The following WDR41 variants were observed in gnomAD, a reference collection of about 807,000 sequenced individuals.
The protein encoded by WDR41 is WD repeat-containing protein 41.
WDR41 carries 63 observed loss-of-function variants against 69.3 expected under a neutral mutation model. The ratio of observed to expected loss-of-function variants is 0.91; its 90% confidence interval spans 0.74 to 1.12. The LOEUF (loss-of-function observed/expected upper bound fraction) is 1.12, where lower values mean the gene tolerates loss of function less well. Ranked by LOEUF, WDR41 falls within the 50% of genes most tolerant of loss-of-function variation. The pLI, the probability that WDR41 is intolerant of heterozygous loss-of-function variation, is 0.00. For synonymous variants in WDR41, 185 were observed against 192.1 expected (o/e 0.96, Z 0.31); for missense variants, 543 against 534.5 (o/e 1.02, Z -0.16).
At chr5:77,475,790 C>G (rs1257316694) in intron 2 of WDR41, among the ~76,000 whole-genome samples, 1 of 152,174 alleles carries the variant, frequency 6.6e-6, no homozygotes, top group Admixed American at 6.5e-5. Flanking sequence ...GAACGCAGTT[C>G]CTCACCAGCA....
chr5:77,443,681 G>A (rs1374156482), intron 8 of WDR41, among the ~76,000 whole-genome samples: 1 of 152,054 alleles, frequency 6.6e-6, no homozygotes, highest in Admixed American at 6.6e-5. Context: ...GAGAAGCTAA[G>A]GAGTGAAGAT....
intron 4 of WDR41, among the ~76,000 whole-genome samples, chr5:77,462,124 A>G (rs998996122): frequency 1.3e-5 from 2 of 152,066 alleles, no homozygotes; most frequent in African/African-American, 4.8e-5. Flanking sequence ...ATAATTAAAA[A>G]TAAGGCCGGG....
chr5:77,509,078 C>T (rs1802157639), intron 1 of WDR41, among the ~76,000 whole-genome samples: 1 of 152,204 alleles, frequency 6.6e-6, no homozygotes, highest in Non-Finnish European at 1.5e-5. Flanking sequence ...GAGAACTCTT[C>T]TTAACTGTCC....
intron 5 of WDR41, 94 bp downstream of exon 5, chr5:77,458,968 G>T: frequency 1.2e-6 from 1 of 849,482 alleles, no homozygotes; most frequent in Non-Finnish European, 1.9e-6. Flanking sequence ...TAATTCATAA[G>T]ACCCACAAAA....
intron 1 of WDR41, among the ~76,000 whole-genome samples, chr5:77,548,238 C>G (rs936774830): frequency 6.6e-6 from 1 of 152,126 alleles, no homozygotes; most frequent in African/African-American, 2.4e-5. Flanking sequence ...ATTTCATGAC[C>G]AAGAACCCAA....
chr5:77,582,550 A>G, intron 1 of WDR41: 2 of 1,599,506 alleles, frequency 1.3e-6, no homozygotes, highest in Admixed American at 3.3e-5. Flanking sequence ...GCACTATCAC[A>G]AGGAATATAG....
At chr5:77,462,409 C>CAAAA (rs10670808) in intron 4 of WDR41, among the ~76,000 whole-genome samples, 43 of 102,378 alleles carry the variant, frequency 4.2e-4, no homozygotes, top group African/African-American at 5.1e-4. Flanking sequence ...AACTCCGTCT[C>CAAAA]AAAAAAAAAA....
At chr5:77,561,272 A>G (rs533746395) in intron 1 of WDR41, among the ~76,000 whole-genome samples, 36 of 152,130 alleles carry the variant, frequency 2.4e-4, no homozygotes, top group Non-Finnish European at 3.4e-4. Context: ...TATGAAAATA[A>G]TTTTTGCATA....
intron 2 of WDR41, among the ~76,000 whole-genome samples, chr5:77,481,248 T>G (rs190554659): frequency 1.3e-5 from 2 of 152,070 alleles, no homozygotes; most frequent in Non-Finnish European, 2.9e-5. Context: ...TACCTTGTGA[T>G]CCACCCGCCT....
intron 12 of WDR41, 150 bp from the exon 13 acceptor site, chr5:77,433,437 G>C (rs1055458677): frequency 9.4e-6 from 5 of 531,556 alleles, no homozygotes; most frequent in Admixed American, 4.1e-5. Flanking sequence ...GTATTGGTAA[G>C]TCACATACAA....
At chr5:77,536,017 G>A (rs970897941) in intron 1 of WDR41, among the ~76,000 whole-genome samples, 3 of 152,140 alleles carry the variant, frequency 2.0e-5, no homozygotes, top group Non-Finnish European at 4.4e-5. Flanking sequence ...CAAAGTCTGA[G>A]CCAAAGAAAA....
chr5:77,476,716 A>T (rs1247567316), intron 2 of WDR41, among the ~76,000 whole-genome samples: 1 of 151,476 alleles, frequency 6.6e-6, no homozygotes, highest in East Asian at 1.9e-4. Context: ...CTGCTGCAAA[A>T]TCATGCCAAA....
intron 1 of WDR41, among the ~76,000 whole-genome samples, chr5:77,559,915 T>C (rs1743490560): frequency 2.0e-5 from 3 of 152,062 alleles, no homozygotes; most frequent in Admixed American, 6.5e-5. Context: ...AACAAAGTCA[T>C]CTAGCAGGCC....
At chr5:77,610,657 A>C (rs1191094998) in intron 1 of WDR41, among the ~76,000 whole-genome samples, 2 of 152,234 alleles carry the variant, frequency 1.3e-5, no homozygotes, top group Admixed American at 6.5e-5. Context: ...TGAAGGAAGC[A>C]CTAAACATGG....
exon 1 of WDR41, chr5:77,620,529 A>G (rs983864842): frequency 2.2e-6 from 1 of 456,088 alleles, no homozygotes; most frequent in Non-Finnish European, 4.4e-6. Flanking sequence ...ATACATAAAG[A>G]GAGGTTAGGA....
chr5:77,540,489 T>A (rs868796252), intron 1 of WDR41: 1 of 152,162 alleles, frequency 6.6e-6, no homozygotes, highest in African/African-American at 2.4e-5. Flanking sequence ...CCATTCAAAT[T>A]GCTGGGAGGA....
Position 77,550,007 on chromosome 5 carries a change from C to A in WDR41, c.43-60435G>T, listed in dbSNP as rs144022791. ...TAAACAATGGATAAAGGACTGTATT[C>A]AGCAAATGGTGCTGAGATAGCTGGC... is the stretch of plus-strand genomic sequence containing the variant. On this transcript the variant is annotated intron_variant, in intron 1 of 5. Transcript: ENST00000509971. Among the ~76,000 whole-genome samples the A allele has an allele frequency of 1.1e-4, 16 of 152,000 alleles. No individual in the cohort carries two copies. In the East Asian group the frequency reaches 3.1e-3, roughly 29 times the overall value.
At chr5:77,434,019 A>T (rs1245732339) in intron 12 of WDR41, among the ~76,000 whole-genome samples, 1 of 152,168 alleles carries the variant, frequency 6.6e-6, no homozygotes, top group Non-Finnish European at 1.5e-5. Flanking sequence ...GAGGTCCTCG[A>T]AGGAAAGGGT....
chr5:77,535,597 C>T (rs954766801), intron 1 of WDR41, among the ~76,000 whole-genome samples: 2 of 152,104 alleles, frequency 1.3e-5, no homozygotes, highest in Non-Finnish European at 2.9e-5. Flanking sequence ...ACCTGAATCA[C>T]AAAAATTCTA....
Sources: allele counts gnomAD v4.1 joint callset (sites outside exome capture counted in the v4.1 genomes callset), GRCh38; gene constraint gnomAD v4.1.1; transcripts MANE v1.5; gene names NCBI Gene and HGNC (gene_info 2026-07-23, HGNC 2026-07-21).